SLC9A7: variants seen among roughly 807,000 people sequenced by gnomAD.
SLC9A7 encodes the protein sodium/hydrogen exchanger 7.
In SLC9A7, 19 loss-of-function variants were observed where a neutral mutation model predicts 52.6. The ratio of observed to expected loss-of-function variants is 0.36; its 90% CI spans 0.25 to 0.53. The LOEUF (loss-of-function observed/expected upper bound fraction) is 0.53. Ranked by LOEUF, SLC9A7 falls within the 20% of genes least tolerant of loss-of-function variation. SLC9A7 has a pLI of 0.91. For missense variants in SLC9A7, 455 were observed against 597.9 expected (o/e 0.76, Z 2.49); for synonymous variants, 226 against 252.1 (o/e 0.90, Z 0.98).
At chrX:46,611,962 A>C (rs1285187317) in intron 16 of SLC9A7, among the ~76,000 whole-genome samples, 1 of 111,628 alleles carries the variant, frequency 9.0e-6, no homozygotes, top group East Asian at 2.8e-4. Flanking sequence ...CCCTCGTTAG[A>C]ACTTACCTGT....
intron 1 of SLC9A7, among the ~76,000 whole-genome samples, chrX:46,713,070 C>G (rs1299276539): frequency 2.7e-5 from 3 of 112,550 alleles, no homozygotes; most frequent in Non-Finnish European, 3.8e-5. Context: ...TTCTCATAAT[C>G]TGATAAGAGG....
Position 46,682,357 on chromosome X carries a change from C to T in SLC9A7, c.504G>A (p.Glu168=). 1 of 1,211,731 alleles carries T rather than the reference C, an allele frequency of 8.3e-7. No homozygotes were observed. Among genetic ancestry groups the T allele is most frequent in the Non-Finnish European group, 1.1e-6 (1 of 895,308 alleles). Residue 168 remains glutamate, a synonymous_variant, in exon 2 of 17, where the codon GAG becomes GAA. Transcript: ENST00000616978. ...TCACCTTCCGTAGCATATCATTCTG[C>T]TCTACGCTGTTGATCTTGCCAGGAC... ...EISPGKINSV[E]QNDMLRKVTF... is the part of the protein sequence containing the mutation.
chrX:46,607,540 C>A (rs1356729199), intron 16 of SLC9A7, among the ~76,000 whole-genome samples: 1 of 111,591 alleles, frequency 9.0e-6, no homozygotes, highest in Non-Finnish European at 1.9e-5. Context: ...GCAAACGTTG[C>A]AAATAGGTTT....
intron 7 of SLC9A7, among the ~76,000 whole-genome samples, chrX:46,659,068 T>C (rs1396082759): frequency 7.1e-4 from 79 of 110,532 alleles, no homozygotes; most frequent in Middle Eastern, 9.4e-3. Flanking sequence ...GCTGGTTCAA[T>C]ATACGCAAAT....
intron 1 of SLC9A7, among the ~76,000 whole-genome samples, chrX:46,724,363 T>C (rs1423301768): frequency 8.9e-6 from 1 of 111,979 alleles, no homozygotes; most frequent in Non-Finnish European, 1.9e-5. Context: ...CAAGCCCAGA[T>C]TGTTCCTTGC....
chrX:46,705,241 C>T (rs1008840404), intron 1 of SLC9A7, among the ~76,000 whole-genome samples: 3 of 111,784 alleles, frequency 2.7e-5, no homozygotes, highest in African/African-American at 9.8e-5. Context: ...TTAAGCCAAG[C>T]TCATGAGATA....
At chrX:46,736,439 G>C (rs1945123465) in intron 1 of SLC9A7, among the ~76,000 whole-genome samples, 2 of 111,933 alleles carry the variant, frequency 1.8e-5, no homozygotes, top group Non-Finnish European at 3.8e-5. Flanking sequence ...GCCTGGTTCT[G>C]GTGACTGCTT....
chrX:46,750,502 A>G (rs1242163355), intron 1 of SLC9A7, among the ~76,000 whole-genome samples: 1 of 111,411 alleles, frequency 9.0e-6, no homozygotes, highest in Non-Finnish European at 1.9e-5. Context: ...GGGACATGCC[A>G]CCATGCCCAG....
chrX:46,741,710 G>A (rs1332285368), intron 1 of SLC9A7, among the ~76,000 whole-genome samples: 4 of 110,563 alleles, frequency 3.6e-5, no homozygotes, highest in African/African-American at 6.6e-5. Flanking sequence ...GAAAACATAG[G>A]AGAAAATCTT....
At chrX:46,662,469 C>T in intron 6 of SLC9A7, 69 bp downstream of exon 6, 1 of 783,134 alleles carries the variant, frequency 1.3e-6, no homozygotes, top group Non-Finnish European at 1.9e-6. Context: ...TAAGATAAGC[C>T]TCTGAATTTA....
Position 46,603,818 on chromosome X carries a change from G to A in SLC9A7, c.*3134C>T, listed in dbSNP as rs1203254062. The A allele has an allele frequency of 9.4e-6, 1 of 106,852 alleles. No individual in the cohort carries two copies. Among genetic ancestry groups the A allele is most frequent in the Non-Finnish European group, 1.9e-5 (1 of 52,570 alleles). The allele number at this position is 106,852 out of a possible 1,213,427, so 8.8% of individuals were successfully genotyped here. On this transcript the variant is annotated 3_prime_UTR_variant, in exon 17 of 17. Coordinates refer to ENST00000616978, the MANE Select transcript of SLC9A7 (RefSeq NM_001257291.2). The stretch of plus-strand genomic sequence containing the variant: ...CATGCCACTGCACTCCAGCCTGGGG[G>A]ATAGAGCGAGACTCCATCTAAAAAC...
intron 12 of SLC9A7, among the ~76,000 whole-genome samples, chrX:46,637,594 T>A (rs5905554): frequency 0.22 from 24,621 of 110,423 alleles, 2,507 homozygotes; most frequent in Middle Eastern, 0.37. Context: ...CAACCCACTA[T>A]CTCCACCATT....
At chrX:46,628,368 A>G (rs1264847130) in intron 14 of SLC9A7, among the ~76,000 whole-genome samples, 1 of 112,428 alleles carries the variant, frequency 8.9e-6, no homozygotes, top group African/African-American at 3.2e-5. Flanking sequence ...AGACCTCCAG[A>G]GAAACAAAGC....
At chrX:46,678,208 G>A (rs1944149760) in intron 3 of SLC9A7, among the ~76,000 whole-genome samples, 1 of 110,227 alleles carries the variant, frequency 9.1e-6, no homozygotes, top group South Asian at 3.8e-4. Flanking sequence ...TCCTAAGGAT[G>A]TTGTTGAGTT....
At chrX:46,659,126 A>G (rs1226740067) in intron 7 of SLC9A7, among the ~76,000 whole-genome samples, 4 of 111,877 alleles carry the variant, frequency 3.6e-5, no homozygotes, top group Non-Finnish European at 7.5e-5. Context: ...CAAAAACCAC[A>G]TGATTATCTC....
chrX:46,641,555 T>C (rs759391763), intron 12 of SLC9A7, among the ~76,000 whole-genome samples: 81 of 112,108 alleles, frequency 7.2e-4, no homozygotes, highest in Non-Finnish European at 1.4e-3. Flanking sequence ...TTCTGCTACA[T>C]AGAACAAAGA....
chrX:46,615,277 G>A (rs1439687512), intron 15 of SLC9A7, among the ~76,000 whole-genome samples: 1 of 112,172 alleles, frequency 8.9e-6, no homozygotes, highest in East Asian at 2.8e-4. Context: ...TCTTGACTTC[G>A]TGATCCACTC....
In SLC9A7 at chrX:46,633,336, T is replaced by TAA. The variant is rs397836432; in HGVS notation, c.1677-1689_1677-1688dup. Among the ~76,000 whole-genome samples the TAA allele has an allele frequency of 2.7e-3, 22 of 8,119 alleles. 2 individuals carry two copies. The highest frequency in any genetic ancestry group is 3.3e-3 in the Non-Finnish European group (13 of 3,992). The allele number at this position is 8,119 out of a possible 115,157, so 7.1% of individuals were successfully genotyped here. A position where few individuals can be genotyped will look rare whatever the true frequency, so the allele number is the denominator to read the frequency against. ...GAGCTGCTTCTCAGCTTGCTGCTGC[T>TAA]AAAAAAAAAAAAAAAAAAAAAAAAA... On this transcript the variant is annotated intron_variant, in intron 13 of 16. Transcript: ENST00000616978.
intron 7 of SLC9A7, among the ~76,000 whole-genome samples, chrX:46,660,029 T>G (rs1394962456): frequency 9.2e-6 from 1 of 109,251 alleles, no homozygotes; most frequent in Non-Finnish European, 1.9e-5. Context: ...GAGATATAGA[T>G]CAATGGAACA....
Sources: allele counts gnomAD v4.1 joint callset (sites outside exome capture counted in the v4.1 genomes callset), GRCh38; gene constraint gnomAD v4.1.1; transcripts MANE v1.5; gene names NCBI Gene and HGNC (gene_info 2026-07-23, HGNC 2026-07-21).